Variants in SPICE1 observed in about 807,000 individuals in gnomAD.
SPICE1 encodes the protein spindle and centriole associated protein 1, also known as spindle and centriole-associated protein 1.
A neutral mutation model predicts 102.7 loss-of-function variants in SPICE1; 75 were observed. The observed-to-expected ratio is 0.73, with a 90% CI of 0.61 to 0.88. The LOEUF (loss-of-function observed/expected upper bound fraction) is 0.88, where lower values mean the gene tolerates loss of function less well. Ranked by LOEUF, SPICE1 falls within the 40% of genes least tolerant of loss-of-function variation. The pLI is 0.00. For synonymous variants in SPICE1, 308 were observed against 350.3 expected, an observed-to-expected ratio of 0.88 and a Z score of 1.35; for missense variants, 979 against 1,020.1, an observed-to-expected ratio of 0.96 and a Z score of 0.55.
chr3:113,490,303 G>T (rs1936737882), intron 6 of SPICE1, among the ~76,000 whole-genome samples: 2 of 152,084 alleles, frequency 1.3e-5, no homozygotes, highest in African/African-American at 4.8e-5. Context: ...TTCACACCCA[G>T]ATCTGTCCTA....
intron 1 of SPICE1, among the ~76,000 whole-genome samples, chr3:113,511,340 G>C (rs1937217895): frequency 6.6e-6 from 1 of 152,146 alleles, no homozygotes; most frequent in African/African-American, 2.4e-5. Flanking sequence ...ATTCACAATA[G>C]CAAAGAGATG....
intron 14 of SPICE1, 63 bp from the exon 15 acceptor site, chr3:113,450,579 ATTTTT>A: frequency 1.2e-5 from 15 of 1,215,884 alleles, no homozygotes; most frequent in Admixed American, 3.0e-5. Context: ...CTCTCCCACG[ATTTTT>A]TTTTTTTTTT....
chr3:113,514,168 G>A (rs903761632), intron 1 of SPICE1, among the ~76,000 whole-genome samples: 5 of 152,212 alleles, frequency 3.3e-5, no homozygotes, highest in Admixed American at 3.3e-4. Flanking sequence ...CTGAGAGGGT[G>A]AGAGGTTAAA....
At chr3:113,491,562 T>C (rs1936765888) in intron 6 of SPICE1, among the ~76,000 whole-genome samples, 1 of 144,878 alleles carries the variant, frequency 6.9e-6, no homozygotes, top group African/African-American at 2.6e-5. Context: ...GAGGCACAGC[T>C]TGCAGTGAGC....
intron 4 of SPICE1, among the ~76,000 whole-genome samples, chr3:113,498,444 G>A (rs551027681): frequency 1.3e-5 from 2 of 152,196 alleles, no homozygotes; most frequent in African/African-American, 2.4e-5. Context: ...GCCTTTTTTC[G>A]TGGTGAGATC....
At position 113,460,734 on chromosome 3, in the gene SPICE1, C is replaced by G. The variant is rs146058927; in HGVS notation, c.1318G>C (p.Asp440His). The change falls in exon 12 of 18, where the codon GAT (aspartate) becomes CAT (histidine). Residue 440 changes from aspartate to histidine, a missense_variant. Coordinates refer to ENST00000295872, the MANE Select transcript of SPICE1 (RefSeq NM_144718.4). The stretch of plus-strand genomic sequence containing the variant: ...TGTGTGAGTGATATCAGTTGCTCAT[C>G]TGTTGTGACCATGTACTGCTGAAGT... Reference protein sequence around the residue: ...ARLQQYMVTTDEQLISLTHAI... With the variant: ...ARLQQYMVTTHEQLISLTHAI... 86 of 1,612,078 alleles carry G rather than the reference C, an allele frequency of 5.3e-5. No homozygotes were observed. In the African/African-American group the frequency reaches 1.1e-3, roughly 21 times the overall value.
intron 16 of SPICE1, 116 bp downstream of exon 16, chr3:113,447,922 G>T: frequency 1.2e-6 from 1 of 841,770 alleles, no homozygotes; most frequent in Non-Finnish European, 1.7e-6. Flanking sequence ...CTTTGCATGA[G>T]TCTGTCTCAA....
rs757162466 is a variant in SPICE1 at position 113,468,422 on chromosome 3, C to G, written c.890-18G>C. The G allele has an allele frequency of 1.2e-6, 2 of 1,606,036 alleles. No homozygotes were observed. The highest frequency in any genetic ancestry group is 3.3e-4 in the Middle Eastern group (2 of 6,034). ...CCTTTTCACTGATAATGAGAGAAGTCATTCTATTTTAAGACCAGGAAAAAT... is the reference window on the plus strand; with the variant it reads ...CCTTTTCACTGATAATGAGAGAAGTGATTCTATTTTAAGACCAGGAAAAAT... On this transcript the variant is annotated intron_variant, in intron 9 of 17. Transcript: ENST00000295872.
chr3:113,484,604 C>T (rs565011674), intron 7 of SPICE1, among the ~76,000 whole-genome samples: 2 of 152,146 alleles, frequency 1.3e-5, no homozygotes, highest in Non-Finnish European at 2.9e-5. Context: ...TTTCAAGGAA[C>T]ATCTTTATTT....
intron 14 of SPICE1, among the ~76,000 whole-genome samples, chr3:113,452,806 C>A (rs9851407): frequency 6.6e-6 from 1 of 151,966 alleles, no homozygotes; most frequent in African/African-American, 2.4e-5. Flanking sequence ...GGTGAAACCC[C>A]GTCTCTACTA....
chr3:113,465,831 G>A (rs1317524053), intron 10 of SPICE1, 47 bp from the exon 11 acceptor site: 1 of 1,586,306 alleles, frequency 6.3e-7, no homozygotes, highest in Admixed American at 1.8e-5. Flanking sequence ...ATCACATGTT[G>A]AAAACTAAAA....
In SPICE1 at chr3:113,457,197, T is replaced by C. The variant is rs778894494; in HGVS notation, c.1596A>G (p.Pro532=). The C allele has an allele frequency of 6.2e-7, 1 of 1,614,224 alleles. No homozygotes were observed. Among genetic ancestry groups the C allele is most frequent in the South Asian group, 1.1e-5 (1 of 91,084 alleles). ...AKNFPAHIFE[P]AVLLTPPRQK... ...GCCTGGGTGGTGTTAACAACACAGC[T>C]GGCTCAAAAATATGTGCTGGAAAAT... is the stretch of plus-strand genomic sequence containing the variant. The change falls in exon 13 of 18, where the codon CCA becomes CCG. Residue 532 remains proline, a synonymous_variant. Transcript: ENST00000295872.
intron 12 of SPICE1, chr3:113,459,650 A>G (rs1935879656): frequency 1.1e-6 from 1 of 943,308 alleles, no homozygotes; most frequent in Non-Finnish European, 1.3e-6. Context: ...TTGGGAGGCC[A>G]AGGCAGGCGG....
Position 113,457,861 on chromosome 3 carries a change from G to T in SPICE1, c.1436-504C>A, listed in dbSNP as rs533565634. ...TCGTTGTAAAGACGGGGTTCACCAT[G>T]CTGCCTAGGCTGGTAGAATTTTTCA... On this transcript the variant is annotated intron_variant, in intron 12 of 17. Transcript: ENST00000295872. Among the ~76,000 whole-genome samples the T allele has an allele frequency of 3.3e-5, 5 of 152,244 alleles. No individual in the cohort carries two copies. The South Asian group carries it at 1.0e-3, about 32-fold the overall frequency.
intron 1 of SPICE1, among the ~76,000 whole-genome samples, chr3:113,513,080 T>C (rs16861097): frequency 0.15 from 22,145 of 152,086 alleles, 1,998 homozygotes; most frequent in Admixed American, 0.27. Flanking sequence ...ACAAACACAC[T>C]GTGAAAATGA....
In SPICE1 at chr3:113,484,705, T is replaced by C. The variant is rs370103334; in HGVS notation, c.611+4240A>G. Among the ~76,000 whole-genome samples, 11 of 151,280 alleles carry C rather than the reference T, an allele frequency of 7.3e-5. 1 individual carries two copies. Among genetic ancestry groups the C allele is most frequent in the African/African-American group, 2.7e-4 (11 of 41,118 alleles). ...GTGCGGTTTTGAGTGAGTTTCTTAA[T>C]CCTGATTTCTAATTTGATTGCACTG... On this transcript the variant is annotated intron_variant, in intron 7 of 17. Transcript: ENST00000295872.
In SPICE1 at chr3:113,479,107, T is replaced by C. The variant is rs1206291201; in HGVS notation, c.611+9838A>G. Reference sequence around the variant, plus strand: ...GTCATTTAGCATTAGGTGTATCTCCTAATGCTATCCCTCCCCCCACCCCCC... The same window carrying C: ...GTCATTTAGCATTAGGTGTATCTCCCAATGCTATCCCTCCCCCCACCCCCC... On this transcript the variant is annotated intron_variant, in intron 7 of 17. Transcript: ENST00000295872. 4.7e-5 allele frequency among the ~76,000 whole-genome samples: 7 copies of C among 147,822 alleles called. No individual in the cohort carries two copies. The East Asian group carries it at 6.2e-4, about 13-fold the overall frequency.
intron 1 of SPICE1, chr3:113,514,691 C>T (rs1937288649): frequency 1.9e-6 from 2 of 1,043,410 alleles, no homozygotes. Context: ...CTCTGACATC[C>T]ATCGATTTAA....
intron 12 of SPICE1, 24 bp downstream of exon 12, chr3:113,460,593 C>T: frequency 6.3e-7 from 1 of 1,585,222 alleles, no homozygotes; most frequent in Non-Finnish European, 8.6e-7. Context: ...TAATGACAGT[C>T]TGAGAGAGTA....
Sources: allele counts gnomAD v4.1 joint callset (sites outside exome capture counted in the v4.1 genomes callset), GRCh38; gene constraint gnomAD v4.1.1; transcripts MANE v1.5; gene names NCBI Gene and HGNC (gene_info 2026-07-23, HGNC 2026-07-21).